RELN: variants seen among roughly 807,000 people sequenced by gnomAD.
The protein encoded by RELN is reelin.
RELN carries 108 observed loss-of-function variants against 427.6 expected under a neutral mutation model. That is an observed-to-expected ratio of 0.25 (90% CI 0.22 to 0.30). RELN has a LOEUF of 0.30. Among genes scored for constraint, RELN ranks in the 10% least tolerant of loss-of-function variants. The pLI, the probability that RELN is intolerant of heterozygous loss-of-function variation, is 1.00. For missense variants in RELN, 3,715 were observed against 4,302.8 expected (o/e 0.86, Z 3.82); for synonymous variants, 1,524 against 1,513.4 (o/e 1.01, Z -0.16).
chr7:103,966,799 C>T (rs972889307), intron 1 of RELN, among the ~76,000 whole-genome samples: 1 of 152,218 alleles, frequency 6.6e-6, no homozygotes, highest in Non-Finnish European at 1.5e-5. Context: ...GAGTGACTCA[C>T]ACATCTTTCC....
chr7:103,536,817 T>C (rs758549146), intron 45 of RELN, among the ~76,000 whole-genome samples: 2 of 152,232 alleles, frequency 1.3e-5, no homozygotes, highest in Non-Finnish European at 2.9e-5. Flanking sequence ...TGATCACCTC[T>C]GTGCCCCAAA....
rs774716885 is a variant in RELN, at chr7:103,654,141, T to C, written c.1506A>G (p.Gly502=). 4 of 1,610,582 alleles carry C rather than the reference T, an allele frequency of 2.5e-6. No homozygotes were observed. The highest frequency in any genetic ancestry group is 2.7e-5 in the African/African-American group (2 of 74,762). Residue 502 remains glycine, a synonymous_variant, in exon 13 of 65, where the codon GGA becomes GGG. Transcript: ENST00000428762. The stretch of plus-strand genomic sequence containing the variant: ...TATCCAGTGTTATATGCTCTTTTCT[T>C]CCTTCAATTTTTGCATACAGGATTA... ...NDIILYAKIE[G]RKEHITLDTL...
In RELN at chr7:103,620,708, A is replaced by G. The variant is rs1241335264; in HGVS notation, c.2703-8905T>C. Among the ~76,000 whole-genome samples the G allele has an allele frequency of 6.6e-6, 1 of 152,076 alleles. No homozygotes were observed. Among genetic ancestry groups the G allele is most frequent in the African/African-American group, 2.4e-5 (1 of 41,416 alleles). On this transcript the variant is annotated intron_variant, in intron 20 of 64. Coordinates refer to ENST00000428762, the MANE Select transcript of RELN (RefSeq NM_005045.4). The surrounding 1 kb of genome is among the most constrained non-coding windows in gnomAD (Gnocchi z 4.1). ...AGGCTGGTCTTGAACTCCTGACCTC[A>G]AGTGATCTGCCCGCCTCAGCCTCCC...
At chr7:103,663,678 C>G (rs1442000825) in intron 11 of RELN, among the ~76,000 whole-genome samples, 1 of 152,172 alleles carries the variant, frequency 6.6e-6, no homozygotes, top group African/African-American at 2.4e-5. Flanking sequence ...GGTACTGAAT[C>G]AACTTACAGT....
At chr7:103,476,648 A>C (rs1828043866) in intron 64 of RELN, 1 of 236,336 alleles carries the variant, frequency 4.2e-6, no homozygotes, top group South Asian at 5.4e-5. Flanking sequence ...CCATTATGGC[A>C]AGCTATACTA....
chr7:103,608,097 C>T (rs1296278318), intron 22 of RELN, among the ~76,000 whole-genome samples: 5 of 152,126 alleles, frequency 3.3e-5, no homozygotes, highest in South Asian at 2.1e-4. Context: ...TAAATCAAAA[C>T]GGCAGAACAA....
At chr7:103,775,461 T>A (rs969356974) in intron 4 of RELN, among the ~76,000 whole-genome samples, 1 of 152,212 alleles carries the variant, frequency 6.6e-6, no homozygotes, top group Non-Finnish European at 1.5e-5. Flanking sequence ...ATATAACTAA[T>A]AATAAATGGT....
In RELN at chr7:103,682,147, A is replaced by G. The variant is rs201767049; in HGVS notation, c.1258T>C (p.Trp420Arg). The change falls in exon 11 of 65, where the codon TGG becomes CGG. Residue 420 changes from tryptophan (W) to arginine (R), a missense_variant. Physicochemically the swap from Trp to Arg is moderately radical, Grantham distance 101 (BLOSUM62 -3). Around this residue, in one of 4 missense-constraint regions of RELN, gnomAD observed 2,208 missense variants for 2,361.7 expected, o/e 0.93. Coordinates refer to ENST00000428762, the MANE Select transcript of RELN (RefSeq NM_005045.4). ...DLSTEDIQEQ[W>R]SEEFESQPTG... ...GGCTGGCTCTCAAATTCTTCTGACC[A>G]TTGCTCTTGAATATCTTCTGTGGAA... The G allele has an allele frequency of 3.7e-6, 6 of 1,614,040 alleles. No individual in the cohort carries two copies. Among genetic ancestry groups the G allele is most frequent in the South Asian group, 1.1e-5 (1 of 91,084 alleles).
intron 2 of RELN, among the ~76,000 whole-genome samples, chr7:103,915,745 T>G (rs193047287): frequency 5.3e-4 from 80 of 152,288 alleles, no homozygotes; most frequent in African/African-American, 1.9e-3. Context: ...CTAAAAAAAT[T>G]TTGTTTACCT....
chr7:103,491,809 A>C, intron 58 of RELN, 144 bp downstream of exon 58: 4 of 673,230 alleles, frequency 5.9e-6, no homozygotes, highest in East Asian at 2.9e-5. Flanking sequence ...AGCCTGGGCA[A>C]CAAGAGCGAA....
chr7:103,611,994 T>A (rs965987211), intron 20 of RELN, among the ~76,000 whole-genome samples, 191 bp from the exon 21 acceptor site: 2 of 152,174 alleles, frequency 1.3e-5, no homozygotes, highest in Non-Finnish European at 2.9e-5. Flanking sequence ...GAAACTTTTT[T>A]AAAAAAGTTA....
chr7:103,815,393 A>T (rs1792846048), intron 3 of RELN, among the ~76,000 whole-genome samples: 1 of 152,212 alleles, frequency 6.6e-6, no homozygotes, highest in African/African-American at 2.4e-5. Flanking sequence ...GGACATCTTT[A>T]GGATGTAATC....
chr7:103,967,049 A>G (rs1057036895), intron 1 of RELN, among the ~76,000 whole-genome samples: 6 of 152,164 alleles, frequency 3.9e-5, no homozygotes, highest in African/African-American at 1.4e-4. Context: ...ATGTTCTATT[A>G]ATAGCTGACA....
Position 103,515,405 on chromosome 7 carries a change from C to G in RELN, c.7899G>C (p.Glu2633Asp), listed in dbSNP as rs752414031. The G allele has an allele frequency of 2.5e-6, 4 of 1,613,996 alleles. No individual in the cohort carries two copies. Among genetic ancestry groups the G allele is most frequent in the Non-Finnish European group, 2.5e-6 (3 of 1,180,032 alleles). Residue 2633 changes from glutamate to aspartate, a missense_variant, in exon 50 of 65, where the codon GAG (glutamate) becomes GAC (aspartate). Glu to Asp is a conservative substitution (Grantham distance 45). This residue lies in a region of RELN where 1,310 missense variants were observed against 1,643.0 expected (regional missense o/e 0.80). Transcript: ENST00000428762. ...GCCACCAGCGGAAGCGAGTGGCAATCTCTTTAGCATCAGGAGGGAGAAGGA... is the reference window on the plus strand; with the variant it reads ...GCCACCAGCGGAAGCGAGTGGCAATGTCTTTAGCATCAGGAGGGAGAAGGA... ...VNILLPPDAK[E>D]IATRFRWWQP...
chr7:103,667,197 A>G (rs757128007), intron 11 of RELN, among the ~76,000 whole-genome samples: 1 of 152,212 alleles, frequency 6.6e-6, no homozygotes, highest in African/African-American at 2.4e-5. Flanking sequence ...TCAAATTTTC[A>G]GCTGGCTGAT....
chr7:103,686,234 G>T (rs1833762272), intron 10 of RELN, among the ~76,000 whole-genome samples: 1 of 152,120 alleles, frequency 6.6e-6, no homozygotes, highest in African/African-American at 2.4e-5. Context: ...CCCTCCACAT[G>T]AGCAGAGAGC....
chr7:103,652,721 A>ATCCG lies in RELN; in HGVS notation c.1592_1593insCGGA (p.Gln532GlyfsTer19). On this transcript the variant is annotated frameshift_variant, in exon 14 of 65. Transcript: ENST00000428762. LOFTEE classifies it high-confidence loss of function. ...GACAAAATTTGGTAGCAGGAGTCTG[A>ATCCG]AGTTCAGGATTGATGACCACAGAAA... The ATCCG allele has an allele frequency of 6.2e-7, 1 of 1,612,794 alleles. No individual in the cohort carries two copies. Among genetic ancestry groups the ATCCG allele is most frequent in the Non-Finnish European group, 8.5e-7 (1 of 1,179,190 alleles).
chr7:103,524,770 C>CA (rs1829786535), intron 46 of RELN, among the ~76,000 whole-genome samples: 1 of 152,158 alleles, frequency 6.6e-6, no homozygotes, highest in Admixed American at 6.5e-5. Context: ...CTAAAATCTT[C>CA]ACCTGAAATG....
At chr7:103,975,712 A>AC (rs1287944918) in intron 1 of RELN, among the ~76,000 whole-genome samples, 36 of 122,020 alleles carry the variant, frequency 3.0e-4, no homozygotes, top group African/African-American at 1.1e-3. Context: ...CGCCTGGCTG[A>AC]TTTTTTTTTT....
Sources: allele counts gnomAD v4.1 joint callset (sites outside exome capture counted in the v4.1 genomes callset), GRCh38; gene constraint gnomAD v4.1.1; regional missense constraint gnomAD v4.1.1; non-coding constraint Gnocchi (gnomAD v3.1); transcripts MANE v1.5; gene names NCBI Gene and HGNC (gene_info 2026-07-23, HGNC 2026-07-21).